Variants in KCNU1 observed in about 807,000 individuals in gnomAD.
KCNU1 encodes the protein potassium channel subfamily U member 1.
In KCNU1, 93 loss-of-function variants were observed where a neutral mutation model predicts 126.8. That is an observed-to-expected ratio of 0.73 (90% CI 0.62 to 0.87). The LOEUF (loss-of-function observed/expected upper bound fraction) is 0.87, where lower values mean the gene tolerates loss of function less well. Among genes scored for constraint, KCNU1 ranks in the 40% least tolerant of loss-of-function variants. KCNU1 has a pLI of 0.00. For missense variants in KCNU1, 1,330 were observed against 1,367.1 expected (o/e 0.97, Z 0.43); for synonymous variants, 523 against 494.2 (o/e 1.06, Z -0.77).
At chr8:36,789,320 T>C (rs191192279) in intron 2 of KCNU1, among the ~76,000 whole-genome samples, 1,523 of 151,872 alleles carry the variant, frequency 0.01, 32 homozygotes, top group Non-Finnish European at 0.012. Flanking sequence ...GTTGTGATCA[T>C]GCCACTGCAC....
At chr8:36,931,269 C>G in intron 25 of KCNU1, 124 bp downstream of exon 25, 1 of 526,490 alleles carries the variant, frequency 1.9e-6, no homozygotes, top group South Asian at 4.3e-5. Flanking sequence ...ATAAAAATAA[C>G]AAAAAAAGAA....
At chr8:36,850,519 C>T (rs1388159231) in intron 18 of KCNU1, among the ~76,000 whole-genome samples, 1 of 151,028 alleles carries the variant, frequency 6.6e-6, no homozygotes, top group African/African-American at 2.4e-5. Context: ...TGCAGTGGTA[C>T]AGTCATGGCT....
At chr8:36,868,956 C>A (rs1014996676) in intron 19 of KCNU1, among the ~76,000 whole-genome samples, 1 of 152,100 alleles carries the variant, frequency 6.6e-6, no homozygotes, top group African/African-American at 2.4e-5. Flanking sequence ...AATTTCTTTA[C>A]CTTGGCCATT....
chr8:36,926,850 A>G (rs762209076), intron 24 of KCNU1, among the ~76,000 whole-genome samples: 3 of 152,136 alleles, frequency 2.0e-5, no homozygotes, highest in Non-Finnish European at 1.5e-5. Context: ...TACCCACACT[A>G]TACAGAAGGT....
intron 23 of KCNU1, 137 bp from the exon 24 acceptor site, chr8:36,922,353 G>A (rs988760813): frequency 2.5e-6 from 2 of 809,544 alleles, no homozygotes; most frequent in East Asian, 5.2e-5. Flanking sequence ...TACTGAAAAA[G>A]GGGTTGATCC....
intron 19 of KCNU1, among the ~76,000 whole-genome samples, chr8:36,900,574 G>A (rs765926686): frequency 2.0e-5 from 3 of 151,970 alleles, no homozygotes; most frequent in Non-Finnish European, 4.4e-5. Context: ...AATTTTAGGT[G>A]ATTTTTTTTC....
chr8:36,879,431 A>G (rs1056438396), intron 19 of KCNU1, among the ~76,000 whole-genome samples: 1 of 151,940 alleles, frequency 6.6e-6, no homozygotes, highest in Admixed American at 6.6e-5. Flanking sequence ...AAAATTAGCT[A>G]TCAATTAATT....
In KCNU1 at chr8:36,784,598, T is replaced by TTATCTTGG; in HGVS notation, c.190_195+2dup. 1 of 1,611,290 alleles carries TTATCTTGG rather than the reference T, an allele frequency of 6.2e-7. No homozygotes were observed. ...TGGCAAATCATCAAGGGAACAGGAATTATCTTGGTCAGTTTCCTTGTTAGG... is the reference window on the plus strand; with the variant it reads ...TGGCAAATCATCAAGGGAACAGGAATTATCTTGGTATCTTGGTCAGTTTCCTTGTTAGG... On this transcript the variant is annotated frameshift_variant, in exon 1 of 27. Coordinates refer to ENST00000399881, the MANE Select transcript of KCNU1 (RefSeq NM_001031836.3). LOFTEE classifies it high-confidence loss of function.
intron 14 of KCNU1, 112 bp from the exon 15 acceptor site, chr8:36,840,350 TA>T: frequency 1.6e-6 from 1 of 609,552 alleles, no homozygotes; most frequent in Non-Finnish European, 3.0e-6. Flanking sequence ...ATCTCTTTTT[TA>T]TGACTTACAT....
At chr8:36,921,454 G>A (rs904532362) in intron 23 of KCNU1, among the ~76,000 whole-genome samples, 2 of 152,002 alleles carry the variant, frequency 1.3e-5, no homozygotes, top group African/African-American at 4.8e-5. Flanking sequence ...TGAGGCGGGT[G>A]GATCATTTGA....
At chr8:36,886,346 CA>C (rs556987259) in intron 19 of KCNU1, among the ~76,000 whole-genome samples, 16 of 152,062 alleles carry the variant, frequency 1.1e-4, no homozygotes, top group Non-Finnish European at 2.2e-4. Context: ...GCAAAGAATG[CA>C]AAAAGCCAAA....
intron 19 of KCNU1, among the ~76,000 whole-genome samples, chr8:36,881,238 TTTTG>T (rs1173317369): frequency 6.6e-6 from 1 of 152,260 alleles, no homozygotes; most frequent in South Asian, 2.1e-4. Context: ...CCAACTGTTT[TTTTG>T]TTTGTTTGTT....
chr8:36,896,249 T>C (rs937491754), intron 19 of KCNU1, among the ~76,000 whole-genome samples: 1 of 152,028 alleles, frequency 6.6e-6, no homozygotes, highest in African/African-American at 2.4e-5. Context: ...ATTTAGCCTC[T>C]TGGCCTGAAG....
In KCNU1 at chr8:36,817,761, G is replaced by T; in HGVS notation, c.1106+1G>T. On this transcript the variant is annotated splice_donor_variant, in intron 10 of 26. Transcript: ENST00000399881. LOFTEE classifies it high-confidence loss of function. ...ACACTGAAATTGTTTTCCTGGGAGA[G>T]TAAGTATATCTGTATGGCTCATGGG... 6.7e-7 allele frequency: 1 copy of T among 1,498,176 alleles called. No homozygotes were observed. Among genetic ancestry groups the T allele is most frequent in the South Asian group, 1.1e-5 (1 of 88,758 alleles). The allele number at this position is 1,498,176 out of a possible 1,614,324, so 92.8% of individuals were successfully genotyped here. A position where few individuals can be genotyped will look rare whatever the true frequency, so the allele number is the denominator to read the frequency against.
chr8:36,917,344 C>A (rs1433425203), intron 22 of KCNU1, among the ~76,000 whole-genome samples: 1 of 148,396 alleles, frequency 6.7e-6, no homozygotes, highest in Non-Finnish European at 1.5e-5. Context: ...CCCATTTTCC[C>A]CACCAACTTC....
intron 19 of KCNU1, among the ~76,000 whole-genome samples, chr8:36,886,979 TG>T (rs1239882529): frequency 5.3e-5 from 8 of 152,126 alleles, no homozygotes; most frequent in South Asian, 4.1e-4. Flanking sequence ...TACATTATTT[TG>T]TTTTTTTTAT....
At chr8:36,809,933 T>TA (rs1250641099) in intron 7 of KCNU1, among the ~76,000 whole-genome samples, 1 of 152,162 alleles carries the variant, frequency 6.6e-6, no homozygotes, top group Non-Finnish European at 1.5e-5. Flanking sequence ...AGAGCTCATA[T>TA]AAAAATCAGA....
chr8:36,806,758 G>T lies in KCNU1; in HGVS notation c.580+378G>T, dbSNP rs554539046. On this transcript the variant is annotated intron_variant, in intron 5 of 26. Coordinates refer to ENST00000399881, the MANE Select transcript of KCNU1 (RefSeq NM_001031836.3). Reference sequence around the variant, plus strand: ...TCTCCATATGTGCTATGGCATTTTAGATAATTATTTAATTAGTTGTTTTGT... The same window carrying T: ...TCTCCATATGTGCTATGGCATTTTATATAATTATTTAATTAGTTGTTTTGT... 3.9e-5 allele frequency among the ~76,000 whole-genome samples: 6 copies of T among 152,296 alleles called. No individual in the cohort carries two copies. In the East Asian group the frequency reaches 1.2e-3, roughly 29 times the overall value.
chr8:36,800,402 C>T (rs992683622), intron 2 of KCNU1, among the ~76,000 whole-genome samples: 2 of 152,148 alleles, frequency 1.3e-5, no homozygotes, highest in Non-Finnish European at 2.9e-5. Flanking sequence ...GGGAATAAGG[C>T]TGGGGCCAGC....
Sources: allele counts gnomAD v4.1 joint callset (sites outside exome capture counted in the v4.1 genomes callset), GRCh38; gene constraint gnomAD v4.1.1; transcripts MANE v1.5; gene names NCBI Gene and HGNC (gene_info 2026-07-23, HGNC 2026-07-21).